The following GDPD5 variants were observed in gnomAD, a reference collection of about 807,000 sequenced individuals.
The protein encoded by GDPD5 is glycerophosphodiester phosphodiesterase 2.
GDPD5 carries 48 observed loss-of-function variants against 75.1 expected under a neutral mutation model. The observed-to-expected ratio is 0.64, with a 90% CI of 0.51 to 0.81. The LOEUF is 0.81. Among genes scored for constraint, GDPD5 ranks in the 40% least tolerant of loss-of-function variants. GDPD5 has a pLI of 0.00. For synonymous variants in GDPD5, 336 were observed against 339.0 expected (o/e 0.99, Z 0.10); for missense variants, 706 against 822.6 (o/e 0.86, Z 1.73).
chr11:75,454,846 T>C (rs1195417333), intron 6 of GDPD5, among the ~76,000 whole-genome samples: 1 of 152,354 alleles, frequency 6.6e-6, no homozygotes, highest in African/African-American at 2.4e-5. Context: ...ATCATGTCGA[T>C]GTATTACATG....
chr11:75,515,366 A>G (rs1950615376), intron 1 of GDPD5, among the ~76,000 whole-genome samples: 1 of 152,164 alleles, frequency 6.6e-6, no homozygotes, highest in African/African-American at 2.4e-5. Context: ...CTCTGGCACC[A>G]TTATGCCTCC....
chr11:75,510,770 C>T (rs974965796), intron 1 of GDPD5, among the ~76,000 whole-genome samples: 5 of 151,954 alleles, frequency 3.3e-5, no homozygotes, highest in African/African-American at 9.7e-5. Context: ...CCTCCTCCTC[C>T]TCCGGGCCTC....
At chr11:75,471,212 T>C (rs1338783974) in intron 3 of GDPD5, among the ~76,000 whole-genome samples, 1 of 152,044 alleles carries the variant, frequency 6.6e-6, no homozygotes, top group East Asian at 1.9e-4. Context: ...TGCAGGGAGC[T>C]CCCAAAAGGG....
At chr11:75,460,004 C>T (rs1262448393) in intron 4 of GDPD5, among the ~76,000 whole-genome samples, 1 of 152,178 alleles carries the variant, frequency 6.6e-6, no homozygotes, top group African/African-American at 2.4e-5. Context: ...CATCTGCCCT[C>T]CCTGGCCCTC....
intron 1 of GDPD5, among the ~76,000 whole-genome samples, chr11:75,497,287 C>T (rs529996342): frequency 6.6e-6 from 1 of 152,202 alleles, no homozygotes; most frequent in South Asian, 2.1e-4. Context: ...ACACACCAAG[C>T]GCATCATGTG....
chr11:75,448,901 T>C, intron 9 of GDPD5, 76 bp downstream of exon 9: 1 of 1,451,318 alleles, frequency 6.9e-7, no homozygotes, highest in Non-Finnish European at 9.1e-7. Flanking sequence ...CCATTACATA[T>C]ATCCATTTCC....
At chr11:75,438,805 G>C (rs1948698379) in intron 15 of GDPD5, 1 of 156,588 alleles carries the variant, frequency 6.4e-6, no homozygotes, top group Non-Finnish European at 1.4e-5. Context: ...GCTGTGTGTT[G>C]CGGGGAGCAA....
chr11:75,448,920 T>TCC, intron 9 of GDPD5, 57 bp downstream of exon 9: 1 of 1,501,860 alleles, frequency 6.7e-7, no homozygotes, highest in Non-Finnish European at 8.8e-7. Flanking sequence ...CCCAAGAAGG[T>TCC]CCCCCCCATC....
intron 8 of GDPD5, 141 bp downstream of exon 8, chr11:75,449,376 G>C: frequency 2.4e-6 from 2 of 825,064 alleles, no homozygotes; most frequent in Non-Finnish European, 1.9e-6. Context: ...GGGCCACTCT[G>C]AGCCAGAATC....
chr11:75,477,652 C>A lies in GDPD5; in HGVS notation c.84G>T (p.Lys28Asn). The A allele has an allele frequency of 6.2e-7, 1 of 1,600,874 alleles. No homozygotes were observed. Among genetic ancestry groups the A allele is most frequent in the Admixed American group, 1.7e-5 (1 of 59,608 alleles). ...TATCATCATGGGAGCGCTGGTAGCG[C>A]TTCCAACGGCAGCCGTAGATGCCCG... is the stretch of plus-strand genomic sequence containing the variant. ...CLTGIYGCRW[K>N]RYQRSHDDTT... The change falls in exon 3 of 17, where the codon AAG (lysine) becomes AAT (asparagine). Residue 28 changes from lysine to asparagine, a missense_variant. Coordinates refer to ENST00000336898, the MANE Select transcript of GDPD5 (RefSeq NM_030792.8).
chr11:75,453,818 G>A (rs542274205), intron 6 of GDPD5, among the ~76,000 whole-genome samples: 10 of 152,188 alleles, frequency 6.6e-5, no homozygotes, highest in East Asian at 5.8e-4. Context: ...AGTTGGAAAC[G>A]TTGGGAAGCC....
intron 3 of GDPD5, among the ~76,000 whole-genome samples, chr11:75,464,159 C>T (rs1176584369): frequency 6.6e-6 from 1 of 152,208 alleles, no homozygotes; most frequent in Admixed American, 6.5e-5. Flanking sequence ...GTCCAGAATC[C>T]TTCCATCCCA....
At chr11:75,509,125 C>T (rs550248524) in intron 1 of GDPD5, among the ~76,000 whole-genome samples, 6 of 152,178 alleles carry the variant, frequency 3.9e-5, no homozygotes, top group Non-Finnish European at 7.3e-5. Flanking sequence ...CAGAGAGGCT[C>T]CTGTATGTGG....
chr11:75,479,985 G>A (rs1949871337), intron 2 of GDPD5, among the ~76,000 whole-genome samples: 1 of 152,108 alleles, frequency 6.6e-6, no homozygotes, highest in Non-Finnish European at 1.5e-5. Flanking sequence ...TCACTTTTGG[G>A]TTGTTATACA....
At chr11:75,453,244 C>T (rs949286785) in intron 6 of GDPD5, among the ~76,000 whole-genome samples, 1 of 152,068 alleles carries the variant, frequency 6.6e-6, no homozygotes, top group African/African-American at 2.4e-5. Context: ...GTGAATGGCT[C>T]CCTCTCACCC....
At chr11:75,473,943 G>T (rs1949726470) in intron 3 of GDPD5, among the ~76,000 whole-genome samples, 1 of 152,222 alleles carries the variant, frequency 6.6e-6, no homozygotes, top group South Asian at 2.1e-4. Flanking sequence ...AAGCCTGGGG[G>T]CCGGCCCTTC....
intron 9 of GDPD5, among the ~76,000 whole-genome samples, chr11:75,447,904 CAG>C (rs763497227): frequency 3.9e-5 from 6 of 152,294 alleles, no homozygotes; most frequent in Admixed American, 6.5e-5. Context: ...AACTGGACAC[CAG>C]ATCCAGATCC....
chr11:75,445,779 G>A (rs754405840), intron 9 of GDPD5, among the ~76,000 whole-genome samples: 1 of 152,218 alleles, frequency 6.6e-6, no homozygotes, highest in Non-Finnish European at 1.5e-5. Flanking sequence ...GCTTTGGAAC[G>A]GACTAAAAAG....
At chr11:75,475,106 A>G (rs1317824343) in intron 3 of GDPD5, among the ~76,000 whole-genome samples, 1 of 152,240 alleles carries the variant, frequency 6.6e-6, no homozygotes, top group Non-Finnish European at 1.5e-5. Context: ...TACAGTAGGT[A>G]CTCAATAAAT....
Sources: allele counts gnomAD v4.1 joint callset (sites outside exome capture counted in the v4.1 genomes callset), GRCh38; gene constraint gnomAD v4.1.1; transcripts MANE v1.5; gene names NCBI Gene and HGNC (gene_info 2026-07-23, HGNC 2026-07-21).